Variants in COBL observed in about 807,000 individuals in gnomAD.
COBL encodes protein cordon-bleu.
Under a neutral mutation model 98.8 loss-of-function variants are expected in COBL, and 51 were observed. That is an observed-to-expected ratio of 0.52 (90% CI 0.41 to 0.65). The LOEUF (loss-of-function observed/expected upper bound fraction) is 0.65. Among genes scored for constraint, COBL ranks in the 30% least tolerant of loss-of-function variants. COBL has a pLI of 0.00. For synonymous variants in COBL, 634 were observed against 651.7 expected, an observed-to-expected ratio of 0.97 and a Z score of 0.41; for missense variants, 1,617 against 1,617.5, an observed-to-expected ratio of 1.00 and a Z score of 0.01.
intron 1 of COBL, among the ~76,000 whole-genome samples, chr7:51,266,403 AC>A (rs371592127): frequency 0.014 from 2,122 of 152,246 alleles, 34 homozygotes; most frequent in African/African-American, 0.034. Flanking sequence ...ACATGGAGAA[AC>A]CCCATCTCTA....
intron 1 of COBL, among the ~76,000 whole-genome samples, chr7:51,286,811 A>G (rs1486374387): frequency 6.6e-6 from 1 of 152,214 alleles, no homozygotes; most frequent in African/African-American, 2.4e-5. Flanking sequence ...TGCCACTCAT[A>G]TGTTCACTGC....
chr7:51,073,040 A>G (rs950173648), intron 7 of COBL: 1 of 253,398 alleles, frequency 3.9e-6, no homozygotes, highest in Non-Finnish European at 7.4e-6. Context: ...AAAAACATGA[A>G]TTAATAATGA....
At chr7:51,088,626 T>C (rs1394764474) in intron 6 of COBL, among the ~76,000 whole-genome samples, 1 of 152,228 alleles carries the variant, frequency 6.6e-6, no homozygotes, top group African/African-American at 2.4e-5. Context: ...TCTTGGCCTC[T>C]GCTTATCATA....
At chr7:51,142,440 ATGGTG>A (rs1169196049) in intron 5 of COBL, among the ~76,000 whole-genome samples, 1 of 139,142 alleles carries the variant, frequency 7.2e-6, no homozygotes, top group Non-Finnish European at 1.5e-5. Flanking sequence ...CCGGAGTGCA[ATGGTG>A]TGGTCTGGGC....
At chr7:51,158,952 G>C (rs1410533052) in intron 5 of COBL, among the ~76,000 whole-genome samples, 1 of 152,100 alleles carries the variant, frequency 6.6e-6, no homozygotes, top group African/African-American at 2.4e-5. Flanking sequence ...TGTGTGGGCA[G>C]GGAGGCGAGC....
chr7:51,079,738 C>A (rs995969031), intron 7 of COBL, among the ~76,000 whole-genome samples: 1 of 152,212 alleles, frequency 6.6e-6, no homozygotes, highest in Non-Finnish European at 1.5e-5. Flanking sequence ...TCAGAGCAAT[C>A]TGCACATGGG....
intron 1 of COBL, among the ~76,000 whole-genome samples, chr7:51,289,213 A>T (rs1584414433): frequency 6.6e-6 from 1 of 152,220 alleles, no homozygotes; most frequent in Non-Finnish European, 1.5e-5. Context: ...ATGTTATAAC[A>T]ATTGGGAACA....
chr7:51,286,160 C>T (rs1048566185), intron 1 of COBL, among the ~76,000 whole-genome samples: 1 of 151,532 alleles, frequency 6.6e-6, no homozygotes, highest in East Asian at 1.9e-4. Flanking sequence ...TCAGAAGAAA[C>T]ATCCAAGAAA....
At chr7:51,196,305 G>A (rs1790586906) in intron 2 of COBL, among the ~76,000 whole-genome samples, 1 of 152,172 alleles carries the variant, frequency 6.6e-6, no homozygotes, top group African/African-American at 2.4e-5. Context: ...TACATTTATT[G>A]ATTTGCATAT....
At chr7:51,181,275 CTT>C (rs1180636644) in intron 5 of COBL, among the ~76,000 whole-genome samples, 1 of 152,186 alleles carries the variant, frequency 6.6e-6, no homozygotes, top group Non-Finnish European at 1.5e-5. Flanking sequence ...ATGTGAGCTC[CTT>C]TTAATTATCA....
chr7:51,267,677 C>A (rs1426741372), intron 1 of COBL, among the ~76,000 whole-genome samples: 1 of 152,096 alleles, frequency 6.6e-6, no homozygotes, highest in Non-Finnish European at 1.5e-5. Flanking sequence ...CAGTTTCAAG[C>A]AATTCTCGTG....
chr7:51,196,585 T>C lies in COBL; in HGVS notation c.246-2996A>G, dbSNP rs187145313. The stretch of plus-strand genomic sequence containing the variant: ...TTATTTGGAACAGTTTCAGTAGTAA[T>C]AGTACCAGTTCTTCTTTGTATATCT... On this transcript the variant is annotated intron_variant, in intron 2 of 12. Transcript: ENST00000265136. Among the ~76,000 whole-genome samples the C allele has an allele frequency of 5.9e-4, 90 of 152,284 alleles. 1 individual carries two copies. Among genetic ancestry groups the C allele is most frequent in the Admixed American group, 4.6e-3 (71 of 15,296 alleles).
intron 6 of COBL, among the ~76,000 whole-genome samples, chr7:51,107,360 T>A (rs1375843685): frequency 6.6e-6 from 1 of 152,140 alleles, no homozygotes; most frequent in Non-Finnish European, 1.5e-5. Flanking sequence ...GTGCTGGGAT[T>A]ACAGGTGTGA....
At position 51,141,312 on chromosome 7, in the gene COBL, A is replaced by T. The variant is rs531605055; in HGVS notation, c.784-4981T>A. On this transcript the variant is annotated intron_variant, in intron 5 of 12. Transcript: ENST00000265136. ...AGGTTAAGGGATATGTTTTGGTTAC[A>T]ATAAGTATACTCTGAGCTGGCAATC... Among the ~76,000 whole-genome samples, 3 of 152,308 alleles carry T rather than the reference A, an allele frequency of 2.0e-5. No individual in the cohort carries two copies. In the South Asian group the frequency reaches 6.2e-4, roughly 32 times the overall value.
intron 7 of COBL, among the ~76,000 whole-genome samples, chr7:51,076,021 T>C (rs1793038621): frequency 6.6e-6 from 1 of 152,218 alleles, no homozygotes; most frequent in Admixed American, 6.5e-5. Flanking sequence ...TTTTCCTGGA[T>C]GCCATGCCTG....
intron 1 of COBL, among the ~76,000 whole-genome samples, chr7:51,273,327 C>CAAAAAAAAAAA (rs953811880): frequency 8.4e-5 from 5 of 59,374 alleles, no homozygotes; most frequent in South Asian, 5.5e-4. Context: ...GACTCCATCT[C>CAAAAAAAAAAA]AAAAAAAAAA....
intron 7 of COBL, among the ~76,000 whole-genome samples, chr7:51,048,633 G>GT (rs998891293): frequency 1.2e-3 from 173 of 145,934 alleles, no homozygotes; most frequent in South Asian, 4.3e-3. Context: ...TTATGCTTGA[G>GT]TTTTTTTTTT....
At chr7:51,278,677 GC>G (rs1275453147) in intron 1 of COBL, among the ~76,000 whole-genome samples, 1 of 152,138 alleles carries the variant, frequency 6.6e-6, no homozygotes, top group African/African-American at 2.4e-5. Context: ...ACGGCACCTG[GC>G]CTAGACAGGT....
intron 1 of COBL, among the ~76,000 whole-genome samples, chr7:51,258,805 A>G (rs557702878): frequency 6.6e-6 from 1 of 152,334 alleles, no homozygotes; most frequent in Non-Finnish European, 1.5e-5. Context: ...TATTAATATT[A>G]TTCCTTCCCC....
Sources: gnomAD v4.1 joint callset for allele counts (sites outside exome capture counted in the v4.1 genomes callset) on GRCh38, gnomAD v4.1.1 for gene constraint, MANE v1.5 for transcripts, NCBI Gene and HGNC (gene_info 2026-07-23, HGNC 2026-07-21) for gene names.